Variants in GPC6 observed in about 807,000 individuals in gnomAD.
The protein encoded by GPC6 is glypican-6.
GPC6 carries 14 observed loss-of-function variants against 55.2 expected under a neutral mutation model. The observed-to-expected ratio is 0.25, with a 90% CI of 0.17 to 0.40. The LOEUF (loss-of-function observed/expected upper bound fraction) is 0.40, where lower values mean the gene tolerates loss of function less well. GPC6 is among the 10% of genes least tolerant of loss of function. GPC6 has a pLI of 1.00. For synonymous variants in GPC6, 278 were observed against 259.6 expected (o/e 1.07, Z -0.68); for missense variants, 641 against 708.5 (o/e 0.90, Z 1.08).
intron 3 of GPC6, among the ~76,000 whole-genome samples, chr13:93,974,424 A>G (rs1008866864): frequency 6.6e-6 from 1 of 152,190 alleles, no homozygotes; most frequent in Non-Finnish European, 1.5e-5. Flanking sequence ...TACACCTACT[A>G]TAATGTTATG....
chr13:93,567,387 A>T (rs548240774), intron 2 of GPC6, among the ~76,000 whole-genome samples: 1 of 152,340 alleles, frequency 6.6e-6, no homozygotes, highest in East Asian at 1.9e-4. Flanking sequence ...CGCATAAGGG[A>T]TAAAATATGT....
chr13:94,342,317 T>C (rs1393316679), intron 6 of GPC6, among the ~76,000 whole-genome samples: 2 of 152,126 alleles, frequency 1.3e-5, no homozygotes, highest in Non-Finnish European at 2.9e-5. Flanking sequence ...ATGTAACCAA[T>C]AGGTCGCATA....
At chr13:93,522,692 C>T (rs1051928103) in intron 1 of GPC6, among the ~76,000 whole-genome samples, 22 of 151,808 alleles carry the variant, frequency 1.4e-4, no homozygotes, top group African/African-American at 4.6e-4. Flanking sequence ...TGGATGTAGC[C>T]AGTGTGAGTA....
At chr13:94,209,401 A>G (rs1443208065) in intron 4 of GPC6, among the ~76,000 whole-genome samples, 1 of 152,234 alleles carries the variant, frequency 6.6e-6, no homozygotes, top group Admixed American at 6.5e-5. Context: ...ACTTGTTAAA[A>G]GAGACATTAT....
intron 4 of GPC6, among the ~76,000 whole-genome samples, chr13:94,108,543 T>A (rs556595841): frequency 2.7e-4 from 41 of 152,250 alleles, no homozygotes; most frequent in African/African-American, 8.9e-4. Context: ...AAGAAATTTT[T>A]AAAAAATACA....
At chr13:93,294,683 T>C (rs897008689) in intron 1 of GPC6, among the ~76,000 whole-genome samples, 4 of 152,142 alleles carry the variant, frequency 2.6e-5, no homozygotes, top group African/African-American at 9.7e-5. Flanking sequence ...GTGTACATAA[T>C]AACAAAGATC....
At chr13:93,462,341 A>T (rs1684751294) in intron 1 of GPC6, among the ~76,000 whole-genome samples, 1 of 152,138 alleles carries the variant, frequency 6.6e-6, no homozygotes, top group African/African-American at 2.4e-5. Flanking sequence ...CACCTATCAC[A>T]CCAAATTACC....
chr13:94,155,311 T>G (rs1000822679), intron 4 of GPC6, among the ~76,000 whole-genome samples: 12 of 152,142 alleles, frequency 7.9e-5, no homozygotes, highest in Admixed American at 7.2e-4. Flanking sequence ...AAACGAGTTA[T>G]CATCTGGATT....
rs114841691 is a variant in GPC6, at chr13:93,973,382, A to T, written c.712-54347A>T. 2.1e-3 allele frequency among the ~76,000 whole-genome samples: 318 copies of T among 152,328 alleles called. 3 individuals carry two copies. The highest frequency in any genetic ancestry group is 7.5e-3 in the African/African-American group (312 of 41,588). ...TGACCAAAACGTCCTTAGGCTGCAC[A>T]TGAACGTATTTCCATTATCACATTT... On this transcript the variant is annotated intron_variant, in intron 3 of 8. Coordinates refer to ENST00000377047, the MANE Select transcript of GPC6 (RefSeq NM_005708.5).
In GPC6 at chr13:93,242,722, C is replaced by A. The variant is rs558443493; in HGVS notation, c.160+15106C>A. Among the ~76,000 whole-genome samples the A allele has an allele frequency of 2.0e-5, 3 of 152,158 alleles. 1 individual carries two copies. Among genetic ancestry groups the A allele is most frequent in the African/African-American group, 7.2e-5 (3 of 41,438 alleles). ...TCCTAGCCCACAAGCAGCAAGTTCA[C>A]GGACACAGAAAAGCCTGCACTCTGT... is the stretch of plus-strand genomic sequence containing the variant. On this transcript the variant is annotated intron_variant, in intron 1 of 8. Transcript: ENST00000377047.
At chr13:93,702,628 T>C (rs760225301) in intron 2 of GPC6, among the ~76,000 whole-genome samples, 32 of 152,042 alleles carry the variant, frequency 2.1e-4, no homozygotes, top group Admixed American at 5.9e-4. Flanking sequence ...GAAAATCTGT[T>C]ATTTAGTGTC....
In GPC6 at chr13:94,282,567, G is replaced by T. The variant is rs192406093; in HGVS notation, c.878-3782G>T. On this transcript the variant is annotated intron_variant, in intron 4 of 8. Transcript: ENST00000377047. ...ACTGTGGACCAGAAATTCAGGCAAG[G>T]CTCAACTAGTCGATTCTTCTGCTCC... Among the ~76,000 whole-genome samples the T allele has an allele frequency of 5.9e-4, 90 of 152,310 alleles. No homozygotes were observed. The East Asian group carries it at 0.015, about 26-fold the overall frequency.
chr13:93,289,099 G>A (rs918791787), intron 1 of GPC6, among the ~76,000 whole-genome samples: 1 of 152,176 alleles, frequency 6.6e-6, no homozygotes, highest in Non-Finnish European at 1.5e-5. Flanking sequence ...CACAGATAGG[G>A]ATGTTATACT....
intron 2 of GPC6, among the ~76,000 whole-genome samples, chr13:93,560,087 T>C (rs1201197584): frequency 1.3e-5 from 2 of 152,168 alleles, no homozygotes; most frequent in African/African-American, 2.4e-5. Flanking sequence ...AGTCTTCTGA[T>C]TGAGTTTGTA....
At chr13:94,062,543 G>C (rs979861123) in intron 4 of GPC6, among the ~76,000 whole-genome samples, 2 of 152,060 alleles carry the variant, frequency 1.3e-5, no homozygotes, top group African/African-American at 2.4e-5. Flanking sequence ...GAACCACTGC[G>C]CCTGGCCTTA....
chr13:94,166,753 C>G (rs1888383669), intron 4 of GPC6, among the ~76,000 whole-genome samples: 1 of 152,088 alleles, frequency 6.6e-6, no homozygotes, highest in South Asian at 2.1e-4. Context: ...ACACTGTTGT[C>G]AAAGAATGCT....
chr13:93,743,728 A>G (rs555270898), intron 2 of GPC6, among the ~76,000 whole-genome samples: 1 of 152,172 alleles, frequency 6.6e-6, no homozygotes, highest in South Asian at 2.1e-4. Flanking sequence ...GATCTTAAGA[A>G]TTAAAATTTA....
chr13:94,341,458 C>T (rs1458644305), intron 6 of GPC6, among the ~76,000 whole-genome samples: 4 of 151,924 alleles, frequency 2.6e-5, no homozygotes, highest in African/African-American at 9.7e-5. Flanking sequence ...TGGTGGCGTG[C>T]ACCTGTAATC....
intron 2 of GPC6, among the ~76,000 whole-genome samples, chr13:93,764,374 T>C (rs975134398): frequency 6.6e-6 from 1 of 152,132 alleles, no homozygotes; most frequent in Admixed American, 6.6e-5. Flanking sequence ...ATAAAAATAA[T>C]TTCTTATGTG....
Sources: gnomAD v4.1 joint callset for allele counts (sites outside exome capture counted in the v4.1 genomes callset) on GRCh38, gnomAD v4.1.1 for gene constraint, MANE v1.5 for transcripts, NCBI Gene and HGNC (gene_info 2026-07-23, HGNC 2026-07-21) for gene names.